GLMN: variants seen among roughly 807,000 people sequenced by gnomAD.
GLMN encodes the protein glomulin, FKBP associated protein.
In GLMN, 75 loss-of-function variants were observed where a neutral mutation model predicts 87.8. That is an observed-to-expected ratio of 0.85 (90% CI 0.71 to 1.04). The LOEUF is 1.04. Among genes scored for constraint, GLMN ranks in the 50% least tolerant of loss-of-function variants. The pLI is 0.00. For synonymous variants in GLMN, 206 were observed against 221.6 expected (o/e 0.93, Z 0.63); for missense variants, 588 against 658.8 (o/e 0.89, Z 1.18).
At chr1:92,336,232 G>A in the GLMN span, 1 of 692,090 alleles carries the variant, frequency 1.4e-6, no homozygotes, top group Non-Finnish European at 2.5e-6. Context: ...TTTAAATCAT[G>A]ACTGCTTCCA....
At chr1:92,291,387 TGATAAAGA>T in intron 4 of GLMN, 23 bp downstream of exon 4, 1 of 1,520,160 alleles carries the variant, frequency 6.6e-7, no homozygotes, top group Non-Finnish European at 9.1e-7. Context: ...CTGTGTGTTA[TGATAAAGA>T]GAACCTTGTT....
chr1:92,321,870 T>G, the GLMN span, among the ~76,000 whole-genome samples: 2 of 152,082 alleles, frequency 1.3e-5, no homozygotes, highest in Non-Finnish European at 2.9e-5. Flanking sequence ...TTTTATCATT[T>G]TATCTTTTCA....
chr1:92,295,992 A>C (rs113609995), intron 3 of GLMN, among the ~76,000 whole-genome samples: 1 of 152,194 alleles, frequency 6.6e-6, no homozygotes, highest in African/African-American at 2.4e-5. Context: ...ATTATATTGG[A>C]GGTTACAAAG....
intron 5 of GLMN, 33 bp from the exon 6 acceptor site, chr1:92,289,184 T>C (rs1316547963): frequency 5.7e-6 from 7 of 1,229,656 alleles, no homozygotes; most frequent in African/African-American, 1.5e-5. Context: ...GCTCATCAAG[T>C]ATGCTAAACA....
the GLMN span, among the ~76,000 whole-genome samples, chr1:92,343,118 G>A: frequency 1.6e-4 from 24 of 151,836 alleles, no homozygotes; most frequent in East Asian, 3.3e-3. Flanking sequence ...AAGGCCAGAG[G>A]CCCTGGGACA....
intron 14 of GLMN, among the ~76,000 whole-genome samples, chr1:92,264,206 G>A (rs1422630239): frequency 6.6e-6 from 1 of 152,008 alleles, no homozygotes; most frequent in Admixed American, 6.6e-5. Flanking sequence ...CCAATTACTC[G>A]GGAGGCTGAG....
At chr1:92,334,072 G>A in the GLMN span, among the ~76,000 whole-genome samples, 5 of 152,088 alleles carry the variant, frequency 3.3e-5, no homozygotes, top group African/African-American at 9.7e-5. Context: ...AGAGGTATGA[G>A]GGCTGTGTTG....
At chr1:92,359,032 C>T in the GLMN span, among the ~76,000 whole-genome samples, 1 of 152,220 alleles carries the variant, frequency 6.6e-6, no homozygotes, top group African/African-American at 2.4e-5. Flanking sequence ...TCTCATTAAT[C>T]CTTTGCATTC....
chr1:92,325,846 T>C, the GLMN span, among the ~76,000 whole-genome samples: 1 of 152,182 alleles, frequency 6.6e-6, no homozygotes, highest in South Asian at 2.1e-4. Context: ...ATTATACTTT[T>C]GAGTCATTTG....
At chr1:92,271,703 C>G (rs1308867879) in intron 7 of GLMN, 51 bp from the exon 8 acceptor site, 1 of 1,248,666 alleles carries the variant, frequency 8.0e-7, no homozygotes, top group Admixed American at 1.7e-5. Context: ...CTAAAATGCC[C>G]CCCACCCCGT....
At chr1:92,368,276 G>C in the GLMN span, among the ~76,000 whole-genome samples, 1 of 152,152 alleles carries the variant, frequency 6.6e-6, no homozygotes, top group Non-Finnish European at 1.5e-5. Context: ...CTACTCGGGA[G>C]GCTGAGGCAG....
intron 3 of GLMN, among the ~76,000 whole-genome samples, chr1:92,295,079 A>G (rs1164822729): frequency 6.6e-6 from 1 of 152,256 alleles, no homozygotes; most frequent in Non-Finnish European, 1.5e-5. Flanking sequence ...ACTAAGCCTC[A>G]CATGTTTAAA....
intron 16 of GLMN, among the ~76,000 whole-genome samples, chr1:92,257,499 C>G (rs989126888): frequency 1.3e-5 from 2 of 152,182 alleles, no homozygotes; most frequent in African/African-American, 4.8e-5. Context: ...TCAAACTATA[C>G]TACAGGGCTA....
intron 16 of GLMN, among the ~76,000 whole-genome samples, chr1:92,258,933 A>G (rs1291114265): frequency 6.6e-6 from 1 of 152,140 alleles, no homozygotes; most frequent in East Asian, 1.9e-4. Context: ...CACCCAAAAT[A>G]TGGATTATAT....
the GLMN span, among the ~76,000 whole-genome samples, chr1:92,332,022 C>A: frequency 3.3e-5 from 5 of 151,956 alleles, no homozygotes; most frequent in Admixed American, 3.3e-4. Flanking sequence ...CTTCCTCTAG[C>A]TTCTTTTAAG....
chr1:92,307,390 A>G, the GLMN span: 1 of 652,208 alleles, frequency 1.5e-6, no homozygotes, highest in Non-Finnish European at 2.5e-6. Flanking sequence ...ACCATTTTAT[A>G]TACTTTATGG....
the GLMN span, among the ~76,000 whole-genome samples, chr1:92,370,435 A>G: frequency 6.6e-6 from 1 of 152,200 alleles, no homozygotes; most frequent in Non-Finnish European, 1.5e-5. Context: ...ATATGAAGGA[A>G]TAACTTCAAG....
At chr1:92,294,153 C>A (rs1649761444) in intron 3 of GLMN, among the ~76,000 whole-genome samples, 1 of 151,748 alleles carries the variant, frequency 6.6e-6, no homozygotes, top group Non-Finnish European at 1.5e-5. Context: ...GGATGGATAC[C>A]CCATTCTCTA....
At chr1:92,281,069 C>T (rs1490546955) in intron 7 of GLMN, among the ~76,000 whole-genome samples, 3 of 152,160 alleles carry the variant, frequency 2.0e-5, no homozygotes, top group Admixed American at 1.3e-4. Context: ...GGAGAACTTC[C>T]ATAACCTAGC....
Sources: gnomAD v4.1 joint callset for allele counts (sites outside exome capture counted in the v4.1 genomes callset) on GRCh38, gnomAD v4.1.1 for gene constraint, MANE v1.5 for transcripts, NCBI Gene and HGNC (gene_info 2026-07-23, HGNC 2026-07-21) for gene names.